Variants in TBCEL observed in about 807,000 individuals in gnomAD.
TBCEL encodes tubulin folding cofactor E like.
A neutral mutation model predicts 44.2 loss-of-function variants in TBCEL; 15 were observed. The observed-to-expected ratio is 0.34, with a 90% CI of 0.23 to 0.52. The LOEUF (loss-of-function observed/expected upper bound fraction) is 0.52, where lower values mean the gene tolerates loss of function less well. Ranked by LOEUF, TBCEL falls within the 20% of genes least tolerant of loss-of-function variation. The pLI is 0.95. For missense variants in TBCEL, 319 were observed against 506.3 expected (o/e 0.63, Z 3.55); for synonymous variants, 171 against 185.4 (o/e 0.92, Z 0.63).
In TBCEL at chr11:121,088,311, C is replaced by T. The variant is rs1946246891; in HGVS notation, c.*1215C>T. 1 of 152,132 alleles carries T rather than the reference C, an allele frequency of 6.6e-6. No individual in the cohort carries two copies. The highest frequency in any genetic ancestry group is 1.5e-5 in the Non-Finnish European group (1 of 68,026). 9.4% of individuals were successfully genotyped at this position (152,132 alleles called of 1,614,324 possible). A position where few individuals can be genotyped will look rare whatever the true frequency, so the allele number is the denominator to read the frequency against. The stretch of plus-strand genomic sequence containing the variant: ...AGTTGCCTCATAGAAGTATAACTGC[C>T]CAATCTATGAGTAAAGTGTAAGTGT... On this transcript the variant is annotated 3_prime_UTR_variant, in exon 9 of 9. Transcript: ENST00000683345.
In TBCEL at chr11:121,081,331, G is replaced by C. The variant is rs111287022; in HGVS notation, c.957-5447G>C. On this transcript the variant is annotated intron_variant, in intron 8 of 8. Transcript: ENST00000683345. The stretch of plus-strand genomic sequence containing the variant: ...CCAGAGAACTTCTGAACACAAATAC[G>C]GCGTACTTTACATTTTAGCATTTGA... Among the ~76,000 whole-genome samples the C allele has an allele frequency of 1.5e-3, 229 of 152,214 alleles. 1 individual carries two copies. The highest frequency in any genetic ancestry group is 4.8e-3 in the African/African-American group (199 of 41,512).
intron 8 of TBCEL, among the ~76,000 whole-genome samples, chr11:121,063,028 A>C (rs1249851159): frequency 6.6e-6 from 1 of 151,878 alleles, no homozygotes; most frequent in Admixed American, 6.6e-5. Flanking sequence ...TGCAGTTAAT[A>C]GAAGTGAACA....
chr11:121,065,062 G>A (rs1401824153), intron 8 of TBCEL, among the ~76,000 whole-genome samples: 17 of 152,032 alleles, frequency 1.1e-4, no homozygotes, highest in Admixed American at 2.0e-4. Context: ...TCCTGACCTC[G>A]TGATCCGCCT....
intron 8 of TBCEL, among the ~76,000 whole-genome samples, chr11:121,074,723 C>G (rs994673522): frequency 6.6e-6 from 1 of 151,930 alleles, no homozygotes; most frequent in South Asian, 2.1e-4. Context: ...TCTCATACTC[C>G]TCAACCCTTC....
chr11:121,041,132 A>T (rs897571586), intron 2 of TBCEL, among the ~76,000 whole-genome samples: 1 of 152,126 alleles, frequency 6.6e-6, no homozygotes, highest in Non-Finnish European at 1.5e-5. Flanking sequence ...ATACAAAAGG[A>T]TCTATCTTAT....
intron 8 of TBCEL, among the ~76,000 whole-genome samples, chr11:121,085,328 G>A (rs560646062): frequency 2.6e-5 from 4 of 152,206 alleles, no homozygotes; most frequent in South Asian, 2.1e-4. Context: ...GTGAGCCACC[G>A]TGCCTGGCAA....
intron 8 of TBCEL, among the ~76,000 whole-genome samples, chr11:121,060,885 T>C (rs1421306021): frequency 6.6e-6 from 1 of 152,024 alleles, no homozygotes; most frequent in East Asian, 1.9e-4. Flanking sequence ...AGTTGTTCTT[T>C]TGGTTACAGA....
At chr11:121,073,220 A>G (rs1945969271) in intron 8 of TBCEL, among the ~76,000 whole-genome samples, 1 of 151,980 alleles carries the variant, frequency 6.6e-6, no homozygotes, top group South Asian at 2.1e-4. Context: ...ATTGAATTTT[A>G]TTTACTTACT....
chr11:121,060,204 A>G, intron 8 of TBCEL, 119 bp downstream of exon 8: 2 of 675,288 alleles, frequency 3.0e-6, no homozygotes, highest in Non-Finnish European at 5.1e-6. Context: ...CTTTGTTAAT[A>G]CGTTAAAAAA....
chr11:121,037,495 T>C (rs1204571377), intron 2 of TBCEL, among the ~76,000 whole-genome samples: 1 of 152,224 alleles, frequency 6.6e-6, no homozygotes, highest in Non-Finnish European at 1.5e-5. Flanking sequence ...CTAATTACGC[T>C]GACTTGGTCA....
At position 121,070,691 on chromosome 11, in the gene TBCEL, G is replaced by A. The variant is rs189872393; in HGVS notation, c.956+10606G>A. On this transcript the variant is annotated intron_variant, in intron 8 of 8. Coordinates refer to ENST00000683345, the MANE Select transcript of TBCEL (RefSeq NM_001363644.2). ...ACACAGGGCAGGGAACATCACACAC[G>A]GGGGCCTGTTGTGGGATTCGGGGAG... Among the ~76,000 whole-genome samples, 21 of 149,518 alleles carry A rather than the reference G, an allele frequency of 1.4e-4. No homozygotes were observed. The East Asian group carries it at 3.8e-3, about 27-fold the overall frequency.
chr11:121,078,228 C>T (rs985619970), intron 8 of TBCEL, among the ~76,000 whole-genome samples: 1 of 152,162 alleles, frequency 6.6e-6, no homozygotes, highest in Admixed American at 6.6e-5. Flanking sequence ...ATTTCTCCAA[C>T]AATAATTGTG....
rs1946233566 is a variant in TBCEL at position 121,087,283 on chromosome 11, G to T, written c.*187G>T. 1.7e-6 allele frequency: 1 copy of T among 597,044 alleles called. No individual in the cohort carries two copies. Among genetic ancestry groups the T allele is most frequent in the Non-Finnish European group, 2.9e-6 (1 of 345,856 alleles). 37.0% of individuals were successfully genotyped at this position (597,044 alleles called of 1,614,324 possible). ...CCATTTTTGGGTGTTTTCTACCACAGATTGATTTGGCTCAGCCAGCGGAAT... is the reference window on the plus strand; with the variant it reads ...CCATTTTTGGGTGTTTTCTACCACATATTGATTTGGCTCAGCCAGCGGAAT... On this transcript the variant is annotated 3_prime_UTR_variant, in exon 9 of 9. Coordinates refer to ENST00000683345, the MANE Select transcript of TBCEL (RefSeq NM_001363644.2).
At position 121,087,322 on chromosome 11, in the gene TBCEL, A is replaced by G. The variant is rs1946233971; in HGVS notation, c.*226A>G. Reference sequence around the variant, plus strand: ...AGCCAGCGGAATTGGCCACATTTCCAGTGTATGTGCCCTCTCTAAGGAAAG... The same window carrying G: ...AGCCAGCGGAATTGGCCACATTTCCGGTGTATGTGCCCTCTCTAAGGAAAG... On this transcript the variant is annotated 3_prime_UTR_variant, in exon 9 of 9. Coordinates refer to ENST00000683345, the MANE Select transcript of TBCEL (RefSeq NM_001363644.2). The G allele has an allele frequency of 3.7e-6, 2 of 534,504 alleles. No individual in the cohort carries two copies. The highest frequency in any genetic ancestry group is 2.2e-5 in the South Asian group (1 of 45,080). 33.1% of individuals were successfully genotyped at this position (534,504 alleles called of 1,614,324 possible).
intron 5 of TBCEL, 157 bp from the exon 6 acceptor site, chr11:121,054,895 T>G: frequency 5.7e-6 from 4 of 705,656 alleles, no homozygotes; most frequent in Non-Finnish European, 8.2e-6. Context: ...CCAGCTATAT[T>G]TTGAACTTCA....
In TBCEL at chr11:121,087,323, G is replaced by A. The variant is rs1946234015; in HGVS notation, c.*227G>A. The A allele has an allele frequency of 1.9e-6, 1 of 533,340 alleles. No individual in the cohort carries two copies. The highest frequency in any genetic ancestry group is 1.9e-5 in the African/African-American group (1 of 52,636). The allele number at this position is 533,340 out of a possible 1,614,324, so 33.0% of individuals were successfully genotyped here. A position where few individuals can be genotyped will look rare whatever the true frequency, so the allele number is the denominator to read the frequency against. On this transcript the variant is annotated 3_prime_UTR_variant, in exon 9 of 9. Transcript: ENST00000683345. ...GCCAGCGGAATTGGCCACATTTCCA[G>A]TGTATGTGCCCTCTCTAAGGAAAGA...
At chr11:121,027,377 T>C (rs765220052) in intron 1 of TBCEL, among the ~76,000 whole-genome samples, 9 of 152,214 alleles carry the variant, frequency 5.9e-5, no homozygotes, top group Non-Finnish European at 1.0e-4. Flanking sequence ...GTCTTTTGCT[T>C]GCATAGCTTC....
At chr11:121,084,910 G>T (rs1946188367) in intron 8 of TBCEL, among the ~76,000 whole-genome samples, 3 of 151,914 alleles carry the variant, frequency 2.0e-5, no homozygotes, top group African/African-American at 7.2e-5. Context: ...AGTCCTGGCA[G>T]CTTTGTCTTT....
At chr11:121,061,904 CCTTAG>C (rs1222267093) in intron 8 of TBCEL, among the ~76,000 whole-genome samples, 17 of 152,074 alleles carry the variant, frequency 1.1e-4, no homozygotes, top group Middle Eastern at 3.4e-3. Context: ...AGTAAATCAA[CCTTAG>C]CTTAGTTTAA....
Sources: gnomAD v4.1 joint callset for allele counts (sites outside exome capture counted in the v4.1 genomes callset) on GRCh38, gnomAD v4.1.1 for gene constraint, MANE v1.5 for transcripts, NCBI Gene and HGNC (gene_info 2026-07-23, HGNC 2026-07-21) for gene names.